Variants in CYFIP1 observed in about 807,000 individuals in gnomAD.
CYFIP1 encodes the protein cytoplasmic FMR1 interacting protein 1.
CYFIP1 carries 58 observed loss-of-function variants against 163.5 expected under a neutral mutation model. The observed-to-expected ratio is 0.35, with a 90% CI of 0.29 to 0.44. The LOEUF (loss-of-function observed/expected upper bound fraction) is 0.44, where lower values mean the gene tolerates loss of function less well. CYFIP1 is among the 20% of genes least tolerant of loss of function. The pLI is 1.00. For synonymous variants in CYFIP1, 663 were observed against 660.7 expected (o/e 1.00, Z -0.05); for missense variants, 1,338 against 1,653.8 (o/e 0.81, Z 3.31).
chr15:22,910,916 TTTTA>T (rs2060766397), intron 18 of CYFIP1, 103 bp from the exon 19 acceptor site: 1 of 1,005,352 alleles, frequency 9.9e-7, no homozygotes. Flanking sequence ...ACTGAGGCTC[TTTTA>T]TTTTTTTGAG....
In CYFIP1 at chr15:22,916,518, T is replaced by C. The variant is rs746350407; in HGVS notation, c.1787A>G (p.His596Arg). Reference sequence around the variant, plus strand: ...GTGAGTGTAGAAGAATGACTCTCGATGAAATTTTTCTATGTCCAATATGGT... The same window carrying C: ...GTGAGTGTAGAAGAATGACTCTCGACGAAATTTTTCTATGTCCAATATGGT... ...GPTILDIEKF[H>R]RESFFYTHLI... Residue 596 changes from histidine to arginine, a missense_variant, in exon 16 of 31, where the codon CAT (histidine) becomes CGT (arginine). This residue lies in a region of CYFIP1 where 824 missense variants were observed against 995.7 expected (regional missense o/e 0.83). Coordinates refer to ENST00000617928, the MANE Select transcript of CYFIP1 (RefSeq NM_014608.6). 1 of 1,613,936 alleles carries C rather than the reference T, an allele frequency of 6.2e-7. No individual in the cohort carries two copies. Among genetic ancestry groups the C allele is most frequent in the South Asian group, 1.1e-5 (1 of 91,076 alleles).
chr15:22,957,885 CTT>C (rs2062533175), intron 1 of CYFIP1, among the ~76,000 whole-genome samples: 1 of 152,108 alleles, frequency 6.6e-6, no homozygotes, highest in South Asian at 2.1e-4. Context: ...TTTGCTGTCC[CTT>C]TCTCTCCCAG....
rs566986688 is a variant in CYFIP1, at chr15:22,914,018, C to G, written c.1985+708G>C. The stretch of plus-strand genomic sequence containing the variant: ...CCAGTCGCTCACCATGAGACACACC[C>G]TTTTCCAAACACTTTCCCTTCCATG... On this transcript the variant is annotated intron_variant, in intron 17 of 30. Transcript: ENST00000617928. 1.1e-4 allele frequency among the ~76,000 whole-genome samples: 16 copies of G among 152,354 alleles called. No homozygotes were observed. In the South Asian group the frequency reaches 3.3e-3, roughly 32 times the overall value.
At chr15:22,883,536 G>A (rs775514321) in intron 23 of CYFIP1, among the ~76,000 whole-genome samples, 2 of 152,282 alleles carry the variant, frequency 1.3e-5, no homozygotes, top group South Asian at 4.1e-4. Context: ...AGCAGGTTTA[G>A]GCCAGGCGCG....
intron 6 of CYFIP1, 103 bp downstream of exon 6, chr15:22,943,070 G>C: frequency 8.9e-7 from 1 of 1,126,076 alleles, no homozygotes; most frequent in Admixed American, 2.3e-5. Context: ...CCTACCAGAA[G>C]TGACGACTTC....
At chr15:22,876,511 G>A (rs1383590974) in intron 26 of CYFIP1, among the ~76,000 whole-genome samples, 1 of 151,916 alleles carries the variant, frequency 6.6e-6, no homozygotes, top group African/African-American at 2.4e-5. Context: ...TCCTGGGATG[G>A]ACATAAATAA....
At chr15:22,919,444 A>C (rs181325253) in intron 13 of CYFIP1, among the ~76,000 whole-genome samples, 242 of 152,354 alleles carry the variant, frequency 1.6e-3, no homozygotes, top group Non-Finnish European at 2.9e-3. Context: ...TCACAAACCA[A>C]GTATGACCTT....
chr15:22,959,575 G>A (rs569909125), intron 1 of CYFIP1, among the ~76,000 whole-genome samples: 131 of 152,352 alleles, frequency 8.6e-4, no homozygotes, highest in African/African-American at 3.1e-3. Context: ...CACCAAGCAT[G>A]ACCTCGGGCG....
intron 1 of CYFIP1, among the ~76,000 whole-genome samples, chr15:22,952,354 A>T (rs963280028): frequency 2.6e-5 from 4 of 152,032 alleles, no homozygotes; most frequent in Admixed American, 2.6e-4. Context: ...TGAGCTGTAC[A>T]CTTAAAATGG....
At position 22,867,263 on chromosome 15, in the gene CYFIP1, A is replaced by G; in HGVS notation, c.*2765T>C. 2.5e-6 allele frequency: 1 copy of G among 400,288 alleles called. No individual in the cohort carries two copies. Among genetic ancestry groups the G allele is most frequent in the Non-Finnish European group, 4.4e-6 (1 of 227,374 alleles). 24.8% of individuals were successfully genotyped at this position (400,288 alleles called of 1,614,324 possible). ...TAAAAAAACAGAGTTATCCCAATAC[A>G]TTATCCTGTGATTTACCTTACCTAC... On this transcript the variant is annotated 3_prime_UTR_variant, in exon 31 of 31. Transcript: ENST00000617928.
rs115365055 is a variant in CYFIP1 at position 22,960,368 on chromosome 15, C to T, written c.-6-13077G>A. Among the ~76,000 whole-genome samples, 652 of 152,346 alleles carry T rather than the reference C, an allele frequency of 4.3e-3. 5 individuals are homozygous for T. The highest frequency in any genetic ancestry group is 0.015 in the African/African-American group (620 of 41,582). The stretch of plus-strand genomic sequence containing the variant: ...TTCGGGTGCCCCATTTCAGCGGGCT[C>T]GTGCTCTGGGATGTCCCAGGCACCT... On this transcript the variant is annotated intron_variant, in intron 1 of 30. Transcript: ENST00000617928.
intron 1 of CYFIP1, among the ~76,000 whole-genome samples, chr15:22,961,107 C>T (rs1420454633): frequency 2.0e-5 from 3 of 151,750 alleles, no homozygotes; most frequent in Admixed American, 6.6e-5. Flanking sequence ...CTGCAACCTC[C>T]GCCTCCTGTC....
intron 1 of CYFIP1, among the ~76,000 whole-genome samples, chr15:22,976,162 CTTTT>C (rs1018847377): frequency 6.9e-6 from 1 of 144,410 alleles, no homozygotes; most frequent in Non-Finnish European, 1.5e-5. Context: ...ATTTAATTTT[CTTTT>C]TTTTTTTTTG....
intron 6 of CYFIP1, among the ~76,000 whole-genome samples, chr15:22,942,777 G>C (rs1355134962): frequency 6.6e-6 from 1 of 152,204 alleles, no homozygotes; most frequent in Non-Finnish European, 1.5e-5. Context: ...CCGGCACCGA[G>C]GACTGCAGCC....
At position 22,880,359 on chromosome 15, in the gene CYFIP1, A is replaced by G. The variant is rs114420331; in HGVS notation, c.2912-316T>C. ...AGAACAAAGACTGCACCACATCCCC[A>G]GTGGGGGCAGACAAGGTATTTGACA... On this transcript the variant is annotated intron_variant, in intron 25 of 30. Transcript: ENST00000617928. Among the ~76,000 whole-genome samples, 304 of 152,292 alleles carry G rather than the reference A, an allele frequency of 2.0e-3. 4 individuals are homozygous for G. Among genetic ancestry groups the G allele is most frequent in the African/African-American group, 7.0e-3 (291 of 41,570 alleles).
intron 9 of CYFIP1, among the ~76,000 whole-genome samples, chr15:22,935,620 T>C (rs1257512466): frequency 6.6e-6 from 1 of 152,006 alleles, no homozygotes; most frequent in Non-Finnish European, 1.5e-5. Context: ...AAAAGGCTAC[T>C]GGAGGCAGGA....
chr15:22,919,165 A>C (rs1467590624), intron 13 of CYFIP1, among the ~76,000 whole-genome samples: 1 of 152,144 alleles, frequency 6.6e-6, no homozygotes, highest in Non-Finnish European at 1.5e-5. Flanking sequence ...GAAGAAAAAG[A>C]CTCAGGAAAG....
chr15:22,897,038 C>A (rs2060258766), intron 22 of CYFIP1, among the ~76,000 whole-genome samples: 1 of 152,066 alleles, frequency 6.6e-6, no homozygotes, highest in African/African-American at 2.4e-5. Context: ...CATGGTGAAA[C>A]CCCATGTCTA....
At chr15:22,891,589 C>T (rs891490212) in intron 23 of CYFIP1, among the ~76,000 whole-genome samples, 1 of 152,192 alleles carries the variant, frequency 6.6e-6, no homozygotes, top group African/African-American at 2.4e-5. Flanking sequence ...CTCTGAGTGC[C>T]GTAAAAAGGC....
Sources: allele counts gnomAD v4.1 joint callset (sites outside exome capture counted in the v4.1 genomes callset), GRCh38; gene constraint gnomAD v4.1.1; regional missense constraint gnomAD v4.1.1; transcripts MANE v1.5; gene names NCBI Gene and HGNC (gene_info 2026-07-23, HGNC 2026-07-21).